Variants in NEBL observed in about 807,000 individuals in gnomAD.
NEBL encodes the protein LIM and SH3 protein 2.
In NEBL, 122 loss-of-function variants were observed where a neutral mutation model predicts 140.2. The ratio of observed to expected loss-of-function variants is 0.87; its 90% CI spans 0.75 to 1.01. The LOEUF (loss-of-function observed/expected upper bound fraction) is 1.01. Among genes scored for constraint, NEBL ranks in the 50% least tolerant of loss-of-function variants. NEBL has a pLI of 0.00. For missense variants in NEBL, 1,365 were observed against 1,231.3 expected, an observed-to-expected ratio of 1.11 and a Z score of -1.62; for synonymous variants, 436 against 398.9, an observed-to-expected ratio of 1.09 and a Z score of -1.11.
rs755482021 is a variant in NEBL at position 20,782,138 on chromosome 10, A to G, written c.*3609T>C. 9.8e-5 allele frequency: 15 copies of G among 152,624 alleles called. No individual in the cohort carries two copies. Among genetic ancestry groups the G allele is most frequent in the Non-Finnish European group, 1.9e-4 (13 of 68,044 alleles). The allele number at this position is 152,624 out of a possible 1,614,324, so 9.5% of individuals were successfully genotyped here. On this transcript the variant is annotated 3_prime_UTR_variant, in exon 28 of 28. Coordinates refer to ENST00000377122, the MANE Select transcript of NEBL (RefSeq NM_006393.3). ...TCTAAATCTTTAGAGATAAAATACA[A>G]TCAGCTAACACCTTTAATATCTGAG...
At chr10:21,104,885 T>A (rs1837638764) in intron 2 of NEBL, among the ~76,000 whole-genome samples, 1 of 152,226 alleles carries the variant, frequency 6.6e-6, no homozygotes, top group African/African-American at 2.4e-5. Flanking sequence ...GATATCAGGA[T>A]GAAGAAGTTT....
rs75559916 is a variant in NEBL, at chr10:20,879,449, A to C, written c.480+1345T>G. 2.4e-3 allele frequency among the ~76,000 whole-genome samples: 362 copies of C among 152,352 alleles called. 11 individuals are homozygous for C. In the East Asian group the frequency reaches 0.054, roughly 23 times the overall value. On this transcript the variant is annotated intron_variant, in intron 5 of 27. Transcript: ENST00000377122. ...AGCCTCTTCATCTCCTAGCAATCTTAAACTATGTTAGAAAAGTGCTCTGCT... is the reference window on the plus strand; with the variant it reads ...AGCCTCTTCATCTCCTAGCAATCTTCAACTATGTTAGAAAAGTGCTCTGCT...
intron 1 of NEBL, among the ~76,000 whole-genome samples, chr10:21,285,497 G>T (rs894691766): frequency 2.0e-5 from 3 of 152,098 alleles, no homozygotes; most frequent in Non-Finnish European, 4.4e-5. Flanking sequence ...GAATCAGAGT[G>T]CTTCTTACAT....
At chr10:21,129,881 T>A (rs1192246847) in intron 2 of NEBL, among the ~76,000 whole-genome samples, 1 of 152,094 alleles carries the variant, frequency 6.6e-6, no homozygotes, top group Non-Finnish European at 1.5e-5. Flanking sequence ...ATACGGCAGA[T>A]ATTAACCCAA....
chr10:20,973,778 G>A (rs1022412014), intron 3 of NEBL, among the ~76,000 whole-genome samples: 1 of 152,194 alleles, frequency 6.6e-6, no homozygotes, highest in Non-Finnish European at 1.5e-5. Context: ...CCAAAGTCTG[G>A]AGTGAATCTT....
intron 3 of NEBL, among the ~76,000 whole-genome samples, chr10:21,245,977 G>T (rs1010307613): frequency 1.3e-5 from 2 of 152,218 alleles, no homozygotes; most frequent in African/African-American, 4.8e-5. Context: ...TTATAGGCAT[G>T]AGCCACCGCA....
intron 1 of NEBL, among the ~76,000 whole-genome samples, chr10:21,286,721 T>C (rs774599254): frequency 1.3e-5 from 2 of 151,942 alleles, no homozygotes; most frequent in Non-Finnish European, 2.9e-5. Context: ...GTAGTCCCAG[T>C]TACTCGGGAG....
chr10:21,198,399 C>A (rs185969500), intron 3 of NEBL, among the ~76,000 whole-genome samples: 1 of 152,274 alleles, frequency 6.6e-6, no homozygotes, highest in Admixed American at 6.5e-5. Context: ...TTTAAAATCC[C>A]TCTCTGTGCC....
chr10:20,865,485 G>A (rs1844179558), intron 7 of NEBL, among the ~76,000 whole-genome samples: 1 of 151,992 alleles, frequency 6.6e-6, no homozygotes, highest in Non-Finnish European at 1.5e-5. Flanking sequence ...CCAGCTCCAG[G>A]GTACATTTTC....
intron 2 of NEBL, among the ~76,000 whole-genome samples, chr10:21,062,800 C>T (rs1835361538): frequency 6.6e-6 from 1 of 152,178 alleles, no homozygotes; most frequent in African/African-American, 2.4e-5. Context: ...TACTACAACA[C>T]ACCAGCACTG....
chr10:21,271,887 A>G (rs1387463204), intron 1 of NEBL, among the ~76,000 whole-genome samples: 2 of 152,122 alleles, frequency 1.3e-5, no homozygotes, highest in Non-Finnish European at 2.9e-5. Flanking sequence ...GAAGTGATGG[A>G]TATGTTAATT....
chr10:21,181,095 C>T (rs975006055), intron 3 of NEBL, among the ~76,000 whole-genome samples: 10 of 151,956 alleles, frequency 6.6e-5, no homozygotes, highest in Admixed American at 5.9e-4. Flanking sequence ...AACCCCATCT[C>T]TACTAAAAAT....
chr10:20,977,307 C>T (rs1430311968), intron 3 of NEBL, among the ~76,000 whole-genome samples: 4 of 152,216 alleles, frequency 2.6e-5, no homozygotes, highest in Non-Finnish European at 5.9e-5. Context: ...TTGCTTTCTT[C>T]TAGTGGCAGG....
At chr10:21,007,698 A>G (rs1376167478) in intron 3 of NEBL, among the ~76,000 whole-genome samples, 1 of 152,222 alleles carries the variant, frequency 6.6e-6, no homozygotes, top group Non-Finnish European at 1.5e-5. Flanking sequence ...CAGACATAAA[A>G]AACCTTAAAT....
At position 21,057,696 on chromosome 10, in the gene NEBL, C is replaced by T. The variant is rs2025847; in HGVS notation, c.165-37495G>A. ...TCCTGAACAGCTGGGACTACAGGAG[C>T]GCACCAGCACACCCAGCTTATTTTT... is the stretch of plus-strand genomic sequence containing the variant. On this transcript the variant is annotated intron_variant, in intron 2 of 6. Transcript: ENST00000417816. 9.2e-3 allele frequency among the ~76,000 whole-genome samples: 1,397 copies of T among 151,904 alleles called. 45 individuals carry two copies. The East Asian group carries it at 0.098, about 11-fold the overall frequency.
chr10:21,202,664 G>A (rs1415704459), intron 3 of NEBL, among the ~76,000 whole-genome samples: 1 of 151,526 alleles, frequency 6.6e-6, no homozygotes, highest in Non-Finnish European at 1.5e-5. Context: ...GGGTTTCACT[G>A]TGTTAGCCAG....
intron 2 of NEBL, among the ~76,000 whole-genome samples, chr10:21,066,711 C>G (rs1207193040): frequency 6.6e-6 from 1 of 152,184 alleles, no homozygotes; most frequent in African/African-American, 2.4e-5. Flanking sequence ...CAAGAGAGAG[C>G]AATGAGACAT....
At chr10:21,068,164 G>C (rs935807174) in intron 2 of NEBL, among the ~76,000 whole-genome samples, 2 of 152,164 alleles carry the variant, frequency 1.3e-5, no homozygotes, top group African/African-American at 4.8e-5. Flanking sequence ...TCTTTTTACA[G>C]ATATTAATTA....
At chr10:21,171,350 G>GA (rs59257677) in intron 2 of NEBL, among the ~76,000 whole-genome samples, 2,968 of 81,540 alleles carry the variant, frequency 0.036, 100 homozygotes, top group African/African-American at 0.12. Context: ...AAAAAAAAAA[G>GA]AAAAAAAAAA....
Sources: gnomAD v4.1 joint callset for allele counts (sites outside exome capture counted in the v4.1 genomes callset) on GRCh38, gnomAD v4.1.1 for gene constraint, MANE v1.5 for transcripts, NCBI Gene and HGNC (gene_info 2026-07-23, HGNC 2026-07-21) for gene names.